ACSM3: variants seen among roughly 807,000 people sequenced by gnomAD.
ACSM3 encodes the protein acyl-coenzyme A synthetase ACSM3, mitochondrial.
In ACSM3, 61 loss-of-function variants were observed where a neutral mutation model predicts 74.1. That is an observed-to-expected ratio of 0.82 (90% CI 0.67 to 1.02). ACSM3 has a LOEUF of 1.02. Among genes scored for constraint, ACSM3 ranks in the 50% least tolerant of loss-of-function variants. The pLI, the probability that ACSM3 is intolerant of heterozygous loss-of-function variation, is 0.00. For missense variants in ACSM3, 660 were observed against 697.0 expected, an observed-to-expected ratio of 0.95 and a Z score of 0.60; for synonymous variants, 213 against 241.5, an observed-to-expected ratio of 0.88 and a Z score of 1.09.
intron 3 of ACSM3, among the ~76,000 whole-genome samples, chr16:20,756,250 A>G (rs1012197294): frequency 6.6e-6 from 1 of 151,918 alleles, no homozygotes; most frequent in Non-Finnish European, 1.5e-5. Flanking sequence ...AGTCCCACCA[A>G]CAGTGTAAAA....
intron 1 of ACSM3, chr16:20,685,257 A>G (rs1364113385): frequency 6.2e-7 from 1 of 1,614,166 alleles, no homozygotes. Context: ...TCAAGGCCAG[A>G]TGGTCTCCCT....
At chr16:20,746,581 C>A (rs2079958868) in intron 1 of ACSM3, among the ~76,000 whole-genome samples, 1 of 152,220 alleles carries the variant, frequency 6.6e-6, no homozygotes, top group Non-Finnish European at 1.5e-5. Flanking sequence ...AATGACATCC[C>A]ACCTTTCACT....
chr16:20,675,301 A>G lies in ACSM3; in HGVS notation c.-190+479A>G, dbSNP rs1026701342. 2.6e-5 allele frequency among the ~76,000 whole-genome samples: 4 copies of G among 152,276 alleles called. No individual in the cohort carries two copies. The East Asian group carries it at 5.8e-4, about 22-fold the overall frequency. ...AAAGAGACGGTCTCAGGAGAGGCCA[A>G]TGCGGGGAGTAATGTGGGGAGGCAC... is the stretch of plus-strand genomic sequence containing the variant. On this transcript the variant is annotated intron_variant, in intron 1 of 3. Coordinates refer to the ACSM3 transcript ENST00000561584.
At chr16:20,713,768 A>G (rs993002469) in intron 1 of ACSM3, among the ~76,000 whole-genome samples, 2 of 152,140 alleles carry the variant, frequency 1.3e-5, no homozygotes, top group African/African-American at 4.8e-5. Flanking sequence ...TGAAATGTGC[A>G]TATTTTGGGG....
chr16:20,764,371 A>G (rs1330766660), intron 1 of ACSM3, among the ~76,000 whole-genome samples: 2 of 152,158 alleles, frequency 1.3e-5, no homozygotes, highest in Non-Finnish European at 2.9e-5. Context: ...TTTTGGTGCT[A>G]TTTGATTTTT....
rs1313998770 is a variant in ACSM3, at chr16:20,769,997, T to C, written c.-38T>C. 1 of 1,599,430 alleles carries C rather than the reference T, an allele frequency of 6.3e-7. No individual in the cohort carries two copies. The highest frequency in any genetic ancestry group is 8.6e-7 in the Non-Finnish European group (1 of 1,166,930). On this transcript the variant is annotated 5_prime_UTR_variant, in exon 2 of 14. Coordinates refer to ENST00000289416, the MANE Select transcript of ACSM3 (RefSeq NM_005622.4). Reference sequence around the variant, plus strand: ...CTTGTCTTTTAGATGAACTGGTCTCTGTGCAAATCCTGAGTGCTAAAGCTT... The same window carrying C: ...CTTGTCTTTTAGATGAACTGGTCTCCGTGCAAATCCTGAGTGCTAAAGCTT...
In ACSM3 at chr16:20,781,253, C is replaced by G. The variant is rs931492658; in HGVS notation, c.939+123C>G. On this transcript the variant is annotated intron_variant, in intron 6 of 13. Coordinates refer to ENST00000289416, the MANE Select transcript of ACSM3 (RefSeq NM_005622.4). ...CAATATGATTTAAGATATGTCACAT[C>G]CAGAAAGTCAATAAGCCTGAAAAGA... The G allele has an allele frequency of 2.4e-6, 3 of 1,245,270 alleles. No individual in the cohort carries two copies. In the Admixed American group the frequency reaches 7.1e-5, roughly 30 times the overall value. The allele number at this position is 1,245,270 out of a possible 1,614,324, so 77.1% of individuals were successfully genotyped here. A position where few individuals can be genotyped will look rare whatever the true frequency, so the allele number is the denominator to read the frequency against.
At chr16:20,792,744 G>A in intron 12 of ACSM3, 1 of 984,696 alleles carries the variant, frequency 1.0e-6, no homozygotes, top group South Asian at 4.7e-5. Flanking sequence ...TCAGATGTCA[G>A]AAGTGGGAAC....
intron 1 of ACSM3, chr16:20,738,938 C>A (rs1261265089): frequency 6.2e-7 from 1 of 1,614,262 alleles, no homozygotes; most frequent in Non-Finnish European, 8.5e-7. Context: ...ATTTGCTCCA[C>A]TTTCCACTGA....
At chr16:20,775,597 G>A (rs2080245906) in intron 2 of ACSM3, among the ~76,000 whole-genome samples, 1 of 152,048 alleles carries the variant, frequency 6.6e-6, no homozygotes, top group South Asian at 2.1e-4. Flanking sequence ...TTCTCCCTTT[G>A]ACACTCTATT....
rs897320117 is a variant in ACSM3 at position 20,682,474 on chromosome 16, G to C, written c.-190+7652G>C. ...GAATGAAGATGATCCCTGGGGATGA[G>C]AAAGGAACTGATTGTTTTGGTTTCT... On this transcript the variant is annotated intron_variant, in intron 1 of 3. Coordinates refer to the ACSM3 transcript ENST00000561584. 3.7e-6 allele frequency: 6 copies of C among 1,608,746 alleles called. No individual in the cohort carries two copies. In the Admixed American group the frequency reaches 8.3e-5, roughly 22 times the overall value.
At chr16:20,683,715 C>CTCTTTCTTTCTTTCTT (rs55684501) in intron 1 of ACSM3, among the ~76,000 whole-genome samples, 13 of 136,310 alleles carry the variant, frequency 9.5e-5, no homozygotes, top group Non-Finnish European at 1.4e-4. Flanking sequence ...CTCTCTCTCT[C>CTCTTTCTTTCTTTCTT]TCTTTCTTTC....
chr16:20,792,452 CAG>C (rs1178677119), intron 12 of ACSM3, 117 bp downstream of exon 12: 7 of 1,543,324 alleles, frequency 4.5e-6, no homozygotes, highest in Non-Finnish European at 6.2e-6. Flanking sequence ...ATATGCAAGT[CAG>C]ATAGAAATAT....
chr16:20,732,789 G>A (rs918361886), intron 1 of ACSM3: 2 of 152,842 alleles, frequency 1.3e-5, no homozygotes, highest in African/African-American at 4.8e-5. Flanking sequence ...AATAAGCTTA[G>A]GCTAAGATAA....
At chr16:20,780,029 T>C (rs2080319276) in intron 4 of ACSM3, 1 of 155,990 alleles carries the variant, frequency 6.4e-6, no homozygotes, top group Admixed American at 6.5e-5. Context: ...CTTCCCAAAG[T>C]GCTGGGATTA....
intron 1 of ACSM3, among the ~76,000 whole-genome samples, chr16:20,685,852 A>AAAAAAAT (rs2079545195): frequency 1.3e-5 from 2 of 148,154 alleles, no homozygotes; most frequent in Non-Finnish European, 3.0e-5. Flanking sequence ...AAAAACAAAA[A>AAAAAAAT]ACTTATAGCA....
At chr16:20,767,094 GA>G (rs1325000098) in intron 1 of ACSM3, among the ~76,000 whole-genome samples, 2 of 151,374 alleles carry the variant, frequency 1.3e-5, no homozygotes, top group East Asian at 3.9e-4. Flanking sequence ...GATATTATGC[GA>G]AAAAAAATTA....
In ACSM3 at chr16:20,792,053, G is replaced by A. The variant is rs191320049; in HGVS notation, c.1378G>A (p.Gly460Arg). 3.7e-5 allele frequency: 60 copies of A among 1,614,000 alleles called. No homozygotes were observed. The highest frequency in any genetic ancestry group is 3.3e-4 in the East Asian group (15 of 44,876). Residue 460 changes from glycine to arginine, a missense_variant, in exon 11 of 14, where the codon GGG becomes AGG. Transcript: ENST00000289416. The part of the protein sequence containing the change: ...STLRGNFYIT[G>R]DRGYMDKDGY... ...TCTACGAGGCAATTTCTATATCACT[G>A]GGGACAGAGGATATATGGATAAAGA...
chr16:20,766,703 T>C (rs1457688915), intron 1 of ACSM3: 1 of 151,992 alleles, frequency 6.6e-6, no homozygotes, highest in Non-Finnish European at 1.5e-5. Context: ...CCAGTCTGGG[T>C]GACAGAGTGA....
Sources: allele counts gnomAD v4.1 joint callset (sites outside exome capture counted in the v4.1 genomes callset), GRCh38; gene constraint gnomAD v4.1.1; transcripts MANE v1.5; gene names NCBI Gene and HGNC (gene_info 2026-07-23, HGNC 2026-07-21).